The following CUL4A variants were observed in gnomAD, a reference collection of about 807,000 sequenced individuals.
The protein encoded by CUL4A is cullin-4A.
Under a neutral mutation model 95.5 loss-of-function variants are expected in CUL4A, and 16 were observed. That is an observed-to-expected ratio of 0.17 (90% confidence interval 0.11 to 0.25). The LOEUF (loss-of-function observed/expected upper bound fraction) is 0.25. Among genes scored for constraint, CUL4A ranks in the 10% least tolerant of loss-of-function variants. The pLI is 1.00. For missense variants in CUL4A, 610 were observed against 937.0 expected (o/e 0.65, Z 4.56); for synonymous variants, 380 against 353.1 (o/e 1.08, Z -0.85).
At chr13:113,261,634 C>T (rs1186979523) in intron 19 of CUL4A, among the ~76,000 whole-genome samples, 2 of 151,970 alleles carry the variant, frequency 1.3e-5, no homozygotes, top group African/African-American at 4.8e-5. Flanking sequence ...CAATCAGGCC[C>T]AGCGCGAAGC....
intron 15 of CUL4A, among the ~76,000 whole-genome samples, chr13:113,252,038 C>G (rs891973782): frequency 6.6e-6 from 1 of 152,068 alleles, no homozygotes; most frequent in African/African-American, 2.4e-5. Context: ...CAGGATCAAG[C>G]TGAAGAGTGG....
chr13:113,210,184 G>A (rs573243600), intron 2 of CUL4A, 96 bp downstream of exon 2: 1 of 812,970 alleles, frequency 1.2e-6, no homozygotes, highest in Non-Finnish European at 1.8e-6. Context: ...GCTCTCGCCG[G>A]GGAGCGGAAA....
intron 3 of CUL4A, among the ~76,000 whole-genome samples, chr13:113,226,782 T>C (rs968113167): frequency 2.0e-5 from 3 of 152,182 alleles, no homozygotes; most frequent in African/African-American, 7.2e-5. Context: ...CCTAGCACTT[T>C]GGGAGACTGA....
rs1426287158 is a variant in CUL4A at position 113,209,642 on chromosome 13, C to A, written c.15C>A (p.Ala5=). 3.6e-6 allele frequency: 4 copies of A among 1,103,342 alleles called. No homozygotes were observed. In the Admixed American group the frequency reaches 1.5e-4, roughly 43 times the overall value. 68.3% of individuals were successfully genotyped at this position (1,103,342 alleles called of 1,614,324 possible). Residue 5 remains alanine, a synonymous_variant, in exon 1 of 20, where the codon GCC becomes GCA. Transcript: ENST00000375440. MADE[A]PRKGSFSALV... ...CCGGCCCAGCCATGGCGGACGAGGC[C>A]CCGCGGAAGGGCAGCTTCTCGGCGC...
intron 17 of CUL4A, 62 bp from the exon 18 acceptor site, chr13:113,254,891 T>A: frequency 6.3e-7 from 1 of 1,598,324 alleles, no homozygotes; most frequent in Admixed American, 1.7e-5. Context: ...CATGATTGGT[T>A]TACTGTTGTT....
Position 113,233,409 on chromosome 13 carries a change from C to A in CUL4A, c.675+70C>A. The A allele has an allele frequency of 7.2e-6, 10 of 1,394,420 alleles. No individual in the cohort carries two copies. The South Asian group carries it at 1.0e-4, about 14-fold the overall frequency. The allele number at this position is 1,394,420 out of a possible 1,614,324, so 86.4% of individuals were successfully genotyped here. On this transcript the variant is annotated intron_variant, in intron 6 of 19. Coordinates refer to ENST00000375440, the MANE Select transcript of CUL4A (RefSeq NM_001008895.4). ...ACTTGCACCAGAATAAATGGTTGTA[C>A]CAAAGATGTTAAACAATGAAATCAT... is the stretch of plus-strand genomic sequence containing the variant.
intron 10 of CUL4A, among the ~76,000 whole-genome samples, chr13:113,242,212 C>T (rs1222456434): frequency 6.6e-6 from 1 of 151,676 alleles, no homozygotes; most frequent in African/African-American, 2.4e-5. Context: ...TTGCAGTGAG[C>T]CGAGATCACG....
rs59025047 is a variant in CUL4A at position 113,222,504 on chromosome 13, G to A, written c.368+3456G>A. 0.015 allele frequency among the ~76,000 whole-genome samples: 2,341 copies of A among 151,982 alleles called. 155 individuals are homozygous for A. The East Asian group carries it at 0.2, about 13-fold the overall frequency. On this transcript the variant is annotated intron_variant, in intron 3 of 19. Transcript: ENST00000375440. ...GGAAGGAGGAGACACGGATTGAGGCGGGGAGGGTCTGTCGTGGTCATGTTG... is the reference window on the plus strand; with the variant it reads ...GGAAGGAGGAGACACGGATTGAGGCAGGGAGGGTCTGTCGTGGTCATGTTG...
intron 3 of CUL4A, among the ~76,000 whole-genome samples, chr13:113,223,555 G>A (rs1468728157): frequency 2.6e-5 from 4 of 152,134 alleles, no homozygotes; most frequent in Non-Finnish European, 5.9e-5. Flanking sequence ...GCGCCACCAC[G>A]CCTGGCTAAT....
rs187039740 is a variant in CUL4A at position 113,254,889 on chromosome 13, G to A, written c.1859-64G>A. The A allele has an allele frequency of 3.7e-5, 59 of 1,596,718 alleles. No individual in the cohort carries two copies. The African/African-American group carries it at 7.4e-4, about 20-fold the overall frequency. On this transcript the variant is annotated intron_variant, in intron 17 of 19. Coordinates refer to ENST00000375440, the MANE Select transcript of CUL4A (RefSeq NM_001008895.4). Reference sequence around the variant, plus strand: ...AGACATAGACTTGGTAGCATGATTGGTTTACTGTTGTTGAGTCTCATTCGT... The same window carrying A: ...AGACATAGACTTGGTAGCATGATTGATTTACTGTTGTTGAGTCTCATTCGT...
chr13:113,263,267 C>CT (rs979679810), intron 19 of CUL4A, among the ~76,000 whole-genome samples: 12 of 152,136 alleles, frequency 7.9e-5, no homozygotes, highest in Non-Finnish European at 1.5e-4. Flanking sequence ...CACATGGACG[C>CT]TTTTTTTATC....
intron 18 of CUL4A, 68 bp from the exon 19 acceptor site, chr13:113,260,539 G>A: frequency 7.0e-7 from 1 of 1,420,282 alleles, no homozygotes; most frequent in South Asian, 1.3e-5. Flanking sequence ...AACTGAGTGA[G>A]ACTCCATCGC....
intron 18 of CUL4A, among the ~76,000 whole-genome samples, chr13:113,256,905 C>CTTTGTCCCTT (rs1304831838): frequency 4.4e-5 from 3 of 68,402 alleles, no homozygotes; most frequent in Non-Finnish European, 9.1e-5. Flanking sequence ...GATATTAATG[C>CTTTGTCCCTT]TTTGTCCCTT....
chr13:113,236,195 T>A (rs1301450159), intron 8 of CUL4A, among the ~76,000 whole-genome samples: 1 of 151,954 alleles, frequency 6.6e-6, no homozygotes, highest in Non-Finnish European at 1.5e-5. Flanking sequence ...AAAAAGAGAT[T>A]TGGTCACTTA....
upstream of CUL4A, among the ~76,000 whole-genome samples, chr13:113,209,171 C>A (rs1437728126): frequency 3.3e-5 from 5 of 150,574 alleles, no homozygotes; most frequent in East Asian, 1.0e-3. Flanking sequence ...GGTCTCACGC[C>A]CGGGGTGGGG....
chr13:113,234,562 C>G (rs928741772), intron 7 of CUL4A, among the ~76,000 whole-genome samples: 9 of 152,222 alleles, frequency 5.9e-5, no homozygotes, highest in African/African-American at 2.2e-4. Flanking sequence ...CCAGCTGCAG[C>G]TACCCCAGCA....
chr13:113,227,586 G>C (rs1487462214), intron 3 of CUL4A, among the ~76,000 whole-genome samples: 1 of 152,192 alleles, frequency 6.6e-6, no homozygotes, highest in African/African-American at 2.4e-5. Flanking sequence ...ATTCAGTGGA[G>C]AAGGTAGCTG....
chr13:113,235,247 T>C (rs2041501533), intron 8 of CUL4A, 102 bp downstream of exon 8: 2 of 741,502 alleles, frequency 2.7e-6, no homozygotes, highest in African/African-American at 1.8e-5. Flanking sequence ...ATTCATTCAG[T>C]ACTAAGAGTG....
intron 18 of CUL4A, 62 bp from the exon 19 acceptor site, chr13:113,260,545 A>T: frequency 6.8e-7 from 1 of 1,470,566 alleles, no homozygotes; most frequent in South Asian, 1.3e-5. Context: ...GTGAGACTCC[A>T]TCGCAAAAAA....
Sources: gnomAD v4.1 joint callset for allele counts (sites outside exome capture counted in the v4.1 genomes callset) on GRCh38, gnomAD v4.1.1 for gene constraint, MANE v1.5 for transcripts, NCBI Gene and HGNC (gene_info 2026-07-23, HGNC 2026-07-21) for gene names.